The following VAC14 variants were observed in gnomAD, a reference collection of about 807,000 sequenced individuals.
VAC14 encodes the protein protein VAC14 homolog.
Under a neutral mutation model 85.3 loss-of-function variants are expected in VAC14, and 47 were observed. The ratio of observed to expected loss-of-function variants is 0.55; its 90% CI spans 0.44 to 0.70. The LOEUF is 0.70. VAC14 is among the 30% of genes least tolerant of loss of function. The pLI is 0.00. For synonymous variants in VAC14, 447 were observed against 430.5 expected (o/e 1.04, Z -0.47); for missense variants, 861 against 1,004.3 (o/e 0.86, Z 1.93).
At chr16:70,756,648 TTGGGGTTCTACCCCA>T (rs2031888562) in intron 12 of VAC14, among the ~76,000 whole-genome samples, 1 of 152,160 alleles carries the variant, frequency 6.6e-6, no homozygotes, top group South Asian at 2.1e-4. Flanking sequence ...GGGACAGCCC[TTGGGGTTCTACCCCA>T]TGGGTCAGGC....
chr16:70,762,583 A>C lies in VAC14; in HGVS notation c.1328T>G (p.Leu443Arg). Residue 443 changes from leucine to arginine, a missense_variant, in exon 12 of 19, where the codon CTC becomes CGC. By Grantham distance (102) the Leu-to-Arg change is moderately radical (BLOSUM62 -2). Transcript: ENST00000261776. The surrounding 1 kb of genome is among the most constrained non-coding windows in gnomAD (Gnocchi z 4.1). Reference sequence around the variant, plus strand: ...TAACGTCTGCAGTAGGATGGGAAAGAGGCTGTCCGTGTGCCGGAACATCTG... The same window carrying C: ...TAACGTCTGCAGTAGGATGGGAAAGCGGCTGTCCGTGTGCCGGAACATCTG... The part of the protein sequence containing the change: ...PRKMFRHTDS[L>R]FPILLQTLSD... The C allele has an allele frequency of 6.2e-7, 1 of 1,614,148 alleles. No homozygotes were observed. The highest frequency in any genetic ancestry group is 8.5e-7 in the Non-Finnish European group (1 of 1,180,010).
chr16:70,756,920 T>C (rs1039395002), intron 12 of VAC14, among the ~76,000 whole-genome samples: 1 of 152,202 alleles, frequency 6.6e-6, no homozygotes, highest in Non-Finnish European at 1.5e-5. Flanking sequence ...GTTCCCAAAC[T>C]AGAAACGTTA....
At chr16:70,748,478 A>C (rs961027929) in intron 12 of VAC14, among the ~76,000 whole-genome samples, 1 of 152,176 alleles carries the variant, frequency 6.6e-6, no homozygotes, top group African/African-American at 2.4e-5. Context: ...GAAGGGAGAG[A>C]ATGGCATTCA....
chr16:70,752,525 G>T (rs550865558), intron 12 of VAC14, among the ~76,000 whole-genome samples: 1 of 152,362 alleles, frequency 6.6e-6, no homozygotes, highest in African/African-American at 2.4e-5. Context: ...GCAGGGAACG[G>T]GGTGGTGCCT....
chr16:70,700,063 C>T (rs1209481855), intron 14 of VAC14: 2 of 152,190 alleles, frequency 1.3e-5, no homozygotes, highest in Non-Finnish European at 2.9e-5. Context: ...CCTCCTAGGT[C>T]GCTGGACTCA....
At chr16:70,763,312 G>A (rs2032557875) in intron 10 of VAC14, among the ~76,000 whole-genome samples, 1 of 152,206 alleles carries the variant, frequency 6.6e-6, no homozygotes. Flanking sequence ...TTTGGGGGAT[G>A]AGGACCAGTC....
intron 10 of VAC14, 140 bp from the exon 11 acceptor site, chr16:70,763,165 AACCTGATCCC>A: frequency 8.1e-7 from 1 of 1,230,132 alleles, no homozygotes; most frequent in Non-Finnish European, 1.1e-6. Context: ...GGTCAGGGAT[AACCTGATCCC>A]ACACATCCTT....
rs2034785035 is a variant in VAC14 at position 70,801,088 on chromosome 16, A to T, written c.-188T>A. ...CCCGGACCCCGCTCCAGCACACCTG[A>T]CCCTGGCCGCTTAACAACTCCCGCC... On this transcript the variant is annotated 5_prime_UTR_variant, in exon 1 of 19. Transcript: ENST00000261776. 4.4e-6 allele frequency: 2 copies of T among 450,550 alleles called. No homozygotes were observed. The highest frequency in any genetic ancestry group is 7.8e-6 in the Non-Finnish European group (2 of 257,938). 27.9% of individuals were successfully genotyped at this position (450,550 alleles called of 1,614,324 possible).
At chr16:70,776,566 C>G (rs910790446) in intron 9 of VAC14, among the ~76,000 whole-genome samples, 1 of 152,132 alleles carries the variant, frequency 6.6e-6, no homozygotes, top group Non-Finnish European at 1.5e-5. Flanking sequence ...TGGGCCTTGC[C>G]TTGTAACTTT....
chr16:70,744,768 A>T, intron 12 of VAC14, 189 bp from the exon 13 acceptor site: 1 of 603,936 alleles, frequency 1.7e-6, no homozygotes, highest in Non-Finnish European at 2.7e-6. Context: ...AGTATCCAGA[A>T]TGAAGGGAAC....
chr16:70,734,235 C>A (rs1038237619), intron 13 of VAC14, among the ~76,000 whole-genome samples: 1 of 151,816 alleles, frequency 6.6e-6, no homozygotes, highest in Non-Finnish European at 1.5e-5. Context: ...AACTCCTGGG[C>A]TCGAGCAATC....
chr16:70,711,004 C>T (rs912901537), intron 14 of VAC14, among the ~76,000 whole-genome samples: 2 of 152,256 alleles, frequency 1.3e-5, no homozygotes, highest in South Asian at 2.1e-4. Context: ...CTGCCCTGGG[C>T]GCCATGCGCA....
intron 18 of VAC14, chr16:70,688,907 T>C (rs2053547528): frequency 1.0e-6 from 1 of 985,476 alleles, no homozygotes; most frequent in Non-Finnish European, 1.2e-6. Context: ...TTGGCCTCAC[T>C]GGTTTGGAGG....
At chr16:70,760,855 AT>A (rs1477114991) in intron 12 of VAC14, among the ~76,000 whole-genome samples, 2 of 152,044 alleles carry the variant, frequency 1.3e-5, no homozygotes, top group African/African-American at 4.8e-5. Flanking sequence ...TCTTTTTTGT[AT>A]TGAAATGAGG....
chr16:70,787,566 A>G (rs2034124294), intron 1 of VAC14, among the ~76,000 whole-genome samples: 1 of 152,196 alleles, frequency 6.6e-6, no homozygotes, highest in African/African-American at 2.4e-5. Flanking sequence ...CATGGACACA[A>G]AGGCCAGGCC....
At chr16:70,769,669 C>T (rs1354122965) in intron 10 of VAC14, 2 of 152,184 alleles carry the variant, frequency 1.3e-5, no homozygotes, top group African/African-American at 4.8e-5. Context: ...AAACCAAAAC[C>T]CTCGTCCAGT....
chr16:70,730,051 C>T (rs1486568366), intron 14 of VAC14, among the ~76,000 whole-genome samples: 1 of 151,998 alleles, frequency 6.6e-6, no homozygotes, highest in Non-Finnish European at 1.5e-5. Context: ...GCTGCCCAAA[C>T]CAGAGGCCTG....
chr16:70,781,884 C>T lies in VAC14; in HGVS notation c.931G>A (p.Asp311Asn), dbSNP rs770663259. ...CAAAGGATACTTTTCTTGCGGTCAT[C>T]GTAGGCCAAGCAGGGCAAGACAGCA... Reference protein sequence around the residue: ...LTAVLPCLAYDDRKKSIKEVA... With the variant: ...LTAVLPCLAYNDRKKSIKEVA... Residue 311 changes from aspartate (D) to asparagine (N), a missense_variant, in exon 8 of 19, where the codon GAT becomes AAT. Asp to Asn is a conservative substitution (Grantham distance 23). Coordinates refer to ENST00000261776, the MANE Select transcript of VAC14 (RefSeq NM_018052.5). 2.3e-5 allele frequency: 37 copies of T among 1,614,070 alleles called. No homozygotes were observed. The highest frequency in any genetic ancestry group is 3.1e-5 in the Non-Finnish European group (36 of 1,180,006).
In VAC14 at chr16:70,695,633, C is replaced by G. The variant is rs372837654; in HGVS notation, c.1956-10G>C. 1.4e-5 allele frequency: 22 copies of G among 1,612,768 alleles called. No individual in the cohort carries two copies. Among genetic ancestry groups the G allele is most frequent in the Non-Finnish European group, 1.8e-5 (21 of 1,179,290 alleles). On this transcript the variant is annotated splice_polypyrimidine_tract_variant and intron_variant, in intron 16 of 18. Transcript: ENST00000261776. ...GACCTCCAGGTCCCCACTGGGTGTG[C>G]AGTCAAGGAAAGTCTGTCTGCTGGG...
Sources: gnomAD v4.1 joint callset for allele counts (sites outside exome capture counted in the v4.1 genomes callset) on GRCh38, gnomAD v4.1.1 for gene constraint, Gnocchi (gnomAD v3.1) non-coding constraint, MANE v1.5 for transcripts, NCBI Gene and HGNC (gene_info 2026-07-23, HGNC 2026-07-21) for gene names.